MUTYH: variants seen among roughly 807,000 people sequenced by gnomAD.
MUTYH encodes adenine DNA glycosylase.
Under a neutral mutation model 72.9 loss-of-function variants are expected in MUTYH, and 64 were observed. The ratio of observed to expected loss-of-function variants is 0.88; its 90% CI spans 0.72 to 1.08. The LOEUF is 1.08. Among genes scored for constraint, MUTYH ranks in the 50% least tolerant of loss-of-function variants. MUTYH has a pLI of 0.00. For missense variants in MUTYH, 633 were observed against 671.0 expected (o/e 0.94, Z 0.63); for synonymous variants, 234 against 263.1 (o/e 0.89, Z 1.07).
At chr1:45,330,334 AT>A (rs1644576448) in intron 15 of MUTYH, among the ~76,000 whole-genome samples, 181 bp downstream of exon 15, 2 of 150,718 alleles carry the variant, frequency 1.3e-5, no homozygotes, top group African/African-American at 4.9e-5. Context: ...AGTCCTCATC[AT>A]TTTTTTCCTT....
At position 45,333,424 on chromosome 1, in the gene MUTYH, A is replaced by T. The variant is rs776719541; in HGVS notation, c.253T>A (p.Trp85Arg). The change falls in exon 3 of 16, where the codon TGG becomes AGG. Residue 85 changes from tryptophan to arginine, a missense_variant. Transcript: ENST00000456914. ...CCTCGCCTGCCTACCCGTCTTCTCC[A>T]TGGTAGGTCCCGTTTCTCTTGGTCG... ...WYDQEKRDLPWRRRAEDEMDL... is the reference protein window; with the variant it reads ...WYDQEKRDLPRRRRAEDEMDL... The T allele has an allele frequency of 6.2e-7, 1 of 1,613,986 alleles. No homozygotes were observed. The highest frequency in any genetic ancestry group is 8.5e-7 in the Non-Finnish European group (1 of 1,179,996).
intron 2 of MUTYH, 80 bp downstream of exon 2, chr1:45,334,311 T>G: frequency 6.2e-7 from 1 of 1,600,174 alleles, no homozygotes; most frequent in African/African-American, 1.3e-5. Context: ...CTTAATGTCT[T>G]GATACGTATC....
At position 45,334,464 on chromosome 1, in the gene MUTYH, CT is replaced by C; in HGVS notation, c.41del (p.Lys14SerfsTer49). On this transcript the variant is annotated frameshift_variant, in exon 2 of 16. Transcript: ENST00000456914. LOFTEE classifies it high-confidence loss of function. ...GCCTCCCTTCCTGGCTGGCTGCCTGCTTCCTGTGACCACTTCCCACGGCTGC... is the reference window on the plus strand; with the variant it reads ...GCCTCCCTTCCTGGCTGGCTGCCTGCTCCTGTGACCACTTCCCACGGCTGC... Reference protein sequence around the residue: ...PRAAVGSGHRKQAASQEGRQK... With the variant: ...PRAAVGSGHRXQAASQEGRQK... 6.2e-7 allele frequency: 1 copy of C among 1,614,152 alleles called. No individual in the cohort carries two copies. The highest frequency in any genetic ancestry group is 8.5e-7 in the Non-Finnish European group (1 of 1,180,010).
intron 2 of MUTYH, among the ~76,000 whole-genome samples, chr1:45,333,803 T>C (rs1330634239): frequency 1.3e-5 from 2 of 152,186 alleles, no homozygotes; most frequent in African/African-American, 2.4e-5. Context: ...GAAAACCTAA[T>C]AGTTTTAGCC....
intron 1 of MUTYH, among the ~76,000 whole-genome samples, chr1:45,337,520 CTTCCTTTT>C (rs1350645466): frequency 6.6e-6 from 1 of 151,858 alleles, no homozygotes; most frequent in Non-Finnish European, 1.5e-5. Flanking sequence ...TCTTTCCTTC[CTTCCTTTT>C]TTCCTTTTTC....
chr1:45,339,577 T>C (rs1646612297), intron 1 of MUTYH: 1 of 336,862 alleles, frequency 3.0e-6, no homozygotes. Flanking sequence ...GCTTCACAAT[T>C]TGTCCCTTCC....
In MUTYH at chr1:45,331,353, G is replaced by A. The variant is rs2149115605; in HGVS notation, c.1240-19C>T. Reference sequence around the variant, plus strand: ...GGACAACCTGGAGGAAGGGTCAAGGGGTTCAAATAGGCCTGTGGATATAGC... The same window carrying A: ...GGACAACCTGGAGGAAGGGTCAAGGAGTTCAAATAGGCCTGTGGATATAGC... On this transcript the variant is annotated intron_variant, in intron 13 of 15. Transcript: ENST00000456914. The A allele has an allele frequency of 1.2e-6, 2 of 1,614,204 alleles. No homozygotes were observed. The highest frequency in any genetic ancestry group is 2.2e-5 in the East Asian group (1 of 44,876).
chr1:45,332,118 A>C, intron 10 of MUTYH, 32 bp from the exon 11 acceptor site: 3 of 1,614,210 alleles, frequency 1.9e-6, no homozygotes, highest in Non-Finnish European at 2.5e-6. Context: ...GTCATAGGGC[A>C]GAGTCACTCC....
intron 1 of MUTYH, among the ~76,000 whole-genome samples, chr1:45,336,723 GAAATAAA>G (rs968753414): frequency 3.3e-5 from 5 of 152,122 alleles, no homozygotes; most frequent in African/African-American, 1.2e-4. Context: ...GCACCCAGGT[GAAATAAA>G]CAGCCTTGTT....
At chr1:45,336,371 CAAGCT>C (rs894104273) in intron 1 of MUTYH, among the ~76,000 whole-genome samples, 4 of 152,188 alleles carry the variant, frequency 2.6e-5, no homozygotes, top group African/African-American at 7.2e-5. Flanking sequence ...CCTCTGAGCC[CAAGCT>C]AAGCCATCAT....
chr1:45,338,284 G>A (rs763448837), intron 1 of MUTYH: 48 of 532,984 alleles, frequency 9.0e-5, no homozygotes, highest in East Asian at 3.9e-4. Context: ...GGCACCATCC[G>A]CCTCATCCCC....
intron 6 of MUTYH, 21 bp from the exon 7 acceptor site, chr1:45,332,855 C>G: frequency 6.2e-7 from 1 of 1,614,124 alleles, no homozygotes; most frequent in Non-Finnish European, 8.5e-7. Flanking sequence ...GATCAGAGGT[C>G]AAAGAGATCA....
chr1:45,330,659 T>C, intron 14 of MUTYH, 102 bp from the exon 15 acceptor site: 1 of 1,413,118 alleles, frequency 7.1e-7, no homozygotes, highest in Non-Finnish European at 9.8e-7. Flanking sequence ...GTTTAAAATA[T>C]GCTTTTTTGG....
In MUTYH at chr1:45,331,847, G is replaced by T. The variant is rs587778537; in HGVS notation, c.916C>A (p.Pro306Thr). Residue 306 changes from proline to threonine, a missense_variant and splice_region_variant, in exon 12 of 16, where the codon CCC becomes ACC. Pro to Thr is a conservative substitution (Grantham distance 38). Transcript: ENST00000456914. ...SGSPDVEECA[P>T]NTGQCHLCLP... ...CACAGGTGGCACTGTCCAGTGTTGG[G>T]AGCTGGGAACGGAGATCCCCGAACC... 9 of 1,602,042 alleles carry T rather than the reference G, an allele frequency of 5.6e-6. No homozygotes were observed. In the Admixed American group the frequency reaches 1.4e-4, roughly 24 times the overall value.
chr1:45,332,889 T>C lies in MUTYH; in HGVS notation c.420+29A>G, dbSNP rs2149160045. 11 of 1,614,104 alleles carry C rather than the reference T, an allele frequency of 6.8e-6. No homozygotes were observed. The highest frequency in any genetic ancestry group is 9.3e-6 in the Non-Finnish European group (11 of 1,179,984). ...CACCCGTCAGTCCCTCTATTGTTCC[T>C]ATTTCCCCTACCCTAGGGTGGCTCT... On this transcript the variant is annotated intron_variant, in intron 6 of 15. Transcript: ENST00000456914.
chr1:45,334,422 G>T lies in MUTYH; in HGVS notation c.84C>A (p.Asn28Lys), dbSNP rs200514222. The T allele has an allele frequency of 1.2e-6, 2 of 1,614,030 alleles. No individual in the cohort carries two copies. The highest frequency in any genetic ancestry group is 2.7e-5 in the African/African-American group (2 of 74,932). Residue 28 changes from asparagine to lysine, a missense_variant, in exon 2 of 16, where the codon AAC (asparagine) becomes AAA (lysine). Coordinates refer to ENST00000456914, the MANE Select transcript of MUTYH (RefSeq NM_001048174.2). ...SQEGRQKHAK[N>K]NSQAKPSACD... is the part of the protein sequence containing the mutation. ...AGGCAGAAGGCTTGGCCTGACTGTT[G>T]TTCTTAGCATGCTTCTGCCTCCCTT...
At chr1:45,339,250 G>A (rs190779889) in intron 1 of MUTYH, among the ~76,000 whole-genome samples, 69 of 114,104 alleles carry the variant, frequency 6.0e-4, no homozygotes, top group African/African-American at 2.3e-3. Flanking sequence ...CGCTCTTGTT[G>A]CCTAGGCTGA....
chr1:45,332,166 T>A lies in MUTYH; in HGVS notation c.849A>T (p.Arg283Ser), dbSNP rs369973885. The change falls in exon 10 of 16, where the codon AGA becomes AGT. Residue 283 changes from arginine (R) to serine (S), a missense_variant and splice_region_variant. Transcript: ENST00000456914. ...ACTGCCCCTTCCCCAGTAGGCTTAC[T>A]CTCTGGCGTGCCCGGCACAGGCTCT... ...PVESLCRARQ[R>S]VEQEQLLASG... 3.7e-6 allele frequency: 6 copies of A among 1,614,034 alleles called. No individual in the cohort carries two copies. In the African/African-American group the frequency reaches 6.7e-5, roughly 18 times the overall value.
At chr1:45,329,807 CT>C (rs1644463357) in intron 15 of MUTYH, 1 of 227,530 alleles carries the variant, frequency 4.4e-6, no homozygotes, top group Admixed American at 5.1e-5. Context: ...TCACACTACT[CT>C]TGGGACTGGA....
Sources: allele counts gnomAD v4.1 joint callset (sites outside exome capture counted in the v4.1 genomes callset), GRCh38; gene constraint gnomAD v4.1.1; transcripts MANE v1.5; gene names NCBI Gene and HGNC (gene_info 2026-07-23, HGNC 2026-07-21).